Variants in ZNF675 observed in about 807,000 individuals in gnomAD.
ZNF675 encodes the protein TRAF6 inhibitory zinc finger.
A neutral mutation model predicts 56.1 loss-of-function variants in ZNF675; 36 were observed. That is an observed-to-expected ratio of 0.64 (90% CI 0.49 to 0.85). The LOEUF is 0.85. Ranked by LOEUF, ZNF675 falls within the 40% of genes least tolerant of loss-of-function variation. The pLI is 0.00. For missense variants in ZNF675, 663 were observed against 654.2 expected (o/e 1.01, Z -0.15); for synonymous variants, 200 against 218.9 (o/e 0.91, Z 0.76).
At chr19:23,656,235 A>T (rs1967981709) in intron 3 of ZNF675, 1 of 152,256 alleles carries the variant, frequency 6.6e-6, no homozygotes, top group Non-Finnish European at 1.5e-5. Context: ...TTCTTGGCTC[A>T]AGGGCCAAAA....
intron 1 of ZNF675, among the ~76,000 whole-genome samples, chr19:23,673,526 A>G (rs1459163433): frequency 2.6e-5 from 4 of 152,244 alleles, no homozygotes; most frequent in Non-Finnish European, 5.9e-5. Context: ...AGGCGACAGC[A>G]TGCACTTGGC....
chr19:23,676,629 G>GA (rs1368086853), intron 1 of ZNF675, among the ~76,000 whole-genome samples: 1 of 151,784 alleles, frequency 6.6e-6, no homozygotes, highest in African/African-American at 2.4e-5. Context: ...AATAGATGCA[G>GA]AAAAAGCTTT....
In ZNF675 at chr19:23,654,367, C is replaced by T. The variant is rs568517189; in HGVS notation, c.566G>A (p.Arg189Gln). ...RSFCMLSHLTRHERNYTKVNF... is the reference protein window; with the variant it reads ...RSFCMLSHLTQHERNYTKVNF... ...CACCTTGGTATAATTTCTTTCATGT[C>T]GAGTTAGGTGTGAAAGCATGCAAAA... The change falls in exon 4 of 4, where the codon CGA becomes CAA. Residue 189 changes from arginine (R) to glutamine (Q), a missense_variant. Coordinates refer to ENST00000359788, the MANE Select transcript of ZNF675 (RefSeq NM_138330.3). The T allele has an allele frequency of 1.6e-5, 25 of 1,611,764 alleles. No individual in the cohort carries two copies. Among genetic ancestry groups the T allele is most frequent in the East Asian group, 4.5e-5 (2 of 44,808 alleles).
Position 23,687,136 on chromosome 19 carries a change from G to C in ZNF675, c.-103C>G. On this transcript the variant is annotated 5_prime_UTR_variant, in exon 1 of 4. Transcript: ENST00000359788. ...GACCTCTAGGAGCAGAGGACACAGA[G>C]CAATGAAAGCGAGACCTGGAGCTCC... 6.9e-7 allele frequency: 1 copy of C among 1,447,334 alleles called. No individual in the cohort carries two copies. The highest frequency in any genetic ancestry group is 1.9e-5 in the Admixed American group (1 of 53,980). 89.7% of individuals were successfully genotyped at this position (1,447,334 alleles called of 1,614,324 possible).
intron 1 of ZNF675, among the ~76,000 whole-genome samples, chr19:23,666,603 T>G (rs1024960855): frequency 6.6e-6 from 1 of 152,198 alleles, no homozygotes; most frequent in Non-Finnish European, 1.5e-5. Context: ...TTTCTTGCTT[T>G]GCTGTTTCAT....
At position 23,654,370 on chromosome 19, in the gene ZNF675, G is replaced by C. The variant is rs774457065; in HGVS notation, c.563C>G (p.Thr188Ser). The C allele has an allele frequency of 1.9e-6, 3 of 1,612,212 alleles. No individual in the cohort carries two copies. Among genetic ancestry groups the C allele is most frequent in the Non-Finnish European group, 1.7e-6 (2 of 1,179,098 alleles). The change falls in exon 4 of 4, where the codon ACT becomes AGT. Residue 188 changes from threonine to serine, a missense_variant. Around this residue, in one of 3 missense-constraint regions of ZNF675, gnomAD observed 617 missense variants for 590.5 expected, o/e 1.04. Transcript: ENST00000359788. ...CTTGGTATAATTTCTTTCATGTCGAGTTAGGTGTGAAAGCATGCAAAATGA... is the reference window on the plus strand; with the variant it reads ...CTTGGTATAATTTCTTTCATGTCGACTTAGGTGTGAAAGCATGCAAAATGA... ...GRSFCMLSHLTRHERNYTKVN... is the reference protein window; with the variant it reads ...GRSFCMLSHLSRHERNYTKVN...
intron 1 of ZNF675, among the ~76,000 whole-genome samples, chr19:23,674,793 ACT>A (rs1291006074): frequency 1.3e-5 from 2 of 150,756 alleles, no homozygotes; most frequent in Non-Finnish European, 2.9e-5. Flanking sequence ...ACATGGTGAA[ACT>A]CTGTCTCTAC....
At chr19:23,669,506 G>A (rs1167554218) in intron 1 of ZNF675, among the ~76,000 whole-genome samples, 3 of 151,786 alleles carry the variant, frequency 2.0e-5, no homozygotes, top group Non-Finnish European at 4.4e-5. Flanking sequence ...GGGAGCTTAT[G>A]AAAGGAAATG....
chr19:23,666,007 C>T (rs960374001), intron 1 of ZNF675, among the ~76,000 whole-genome samples: 1 of 152,192 alleles, frequency 6.6e-6, no homozygotes, highest in Admixed American at 6.5e-5. Flanking sequence ...GCAGCAACAT[C>T]TAAATAAGTC....
intron 1 of ZNF675, among the ~76,000 whole-genome samples, chr19:23,678,696 AACCAAAGCAGCATGGT>A (rs1237656752): frequency 1.3e-5 from 2 of 149,118 alleles, no homozygotes; most frequent in African/African-American, 5.2e-5. Flanking sequence ...AAGCTACAGT[AACCAAAGCAGCATGGT>A]ACTGGAACAA....
Position 23,653,440 on chromosome 19 carries a change from T to C in ZNF675, c.1493A>G (p.His498Arg), listed in dbSNP as rs1423111469. 7 of 1,612,944 alleles carry C rather than the reference T, an allele frequency of 4.3e-6. No homozygotes were observed. In the Admixed American group the frequency reaches 1.0e-4, roughly 23 times the overall value. Residue 498 changes from histidine to arginine, a missense_variant, in exon 4 of 4, where the codon CAT (histidine) becomes CGT (arginine). His to Arg is a conservative substitution (Grantham distance 29). Coordinates refer to ENST00000359788, the MANE Select transcript of ZNF675 (RefSeq NM_138330.3). ...TTTCTCCCCAGTATGAATTCTTTTA[T>C]GTGTAGTAAGGGATGAGGAGTGTTT... ...AFKHSSSLTTHKRIHTGEKPY... is the reference protein window; with the variant it reads ...AFKHSSSLTTRKRIHTGEKPY...
intron 1 of ZNF675, among the ~76,000 whole-genome samples, chr19:23,685,581 T>C (rs1025691031): frequency 1.3e-5 from 2 of 152,174 alleles, no homozygotes; most frequent in Non-Finnish European, 2.9e-5. Context: ...TTTTTAAAAA[T>C]GAGGCGAAAA....
chr19:23,668,802 G>A (rs1226092472), intron 1 of ZNF675, among the ~76,000 whole-genome samples: 2 of 152,172 alleles, frequency 1.3e-5, no homozygotes, highest in South Asian at 2.1e-4. Flanking sequence ...GGGCGGGCAG[G>A]GCCGGCCGGG....
chr19:23,672,169 G>A (rs1968234264), intron 1 of ZNF675, among the ~76,000 whole-genome samples: 1 of 14,472 alleles, frequency 6.9e-5, no homozygotes. Context: ...GTTAGCTCTT[G>A]GGTTTAAAAA....
chr19:23,660,203 C>A (rs1368296459), intron 3 of ZNF675, among the ~76,000 whole-genome samples: 3 of 151,806 alleles, frequency 2.0e-5, no homozygotes, highest in Non-Finnish European at 4.4e-5. Context: ...ACCCCCTCTC[C>A]ACTACAAACC....
At position 23,656,711 on chromosome 19, in the gene ZNF675, T is replaced by C. The variant is rs143273603; in HGVS notation, c.227-2005A>G. Reference sequence around the variant, plus strand: ...AACATTTTAAGATAAACTTTGAGAATATTATATCACCTGAAGTAAGCCAGT... The same window carrying C: ...AACATTTTAAGATAAACTTTGAGAACATTATATCACCTGAAGTAAGCCAGT... On this transcript the variant is annotated intron_variant, in intron 3 of 3. Coordinates refer to ENST00000359788, the MANE Select transcript of ZNF675 (RefSeq NM_138330.3). 1.1e-4 allele frequency: 16 copies of C among 145,494 alleles called. No individual in the cohort carries two copies. In the East Asian group the frequency reaches 3.3e-3, roughly 30 times the overall value. The allele number at this position is 145,494 out of a possible 1,614,324, so 9.0% of individuals were successfully genotyped here.
At position 23,687,080 on chromosome 19, in the gene ZNF675, A is replaced by C; in HGVS notation, c.-47T>G. 1 of 1,611,644 alleles carries C rather than the reference A, an allele frequency of 6.2e-7. No individual in the cohort carries two copies. The highest frequency in any genetic ancestry group is 8.5e-7 in the Non-Finnish European group (1 of 1,178,462). On this transcript the variant is annotated 5_prime_UTR_variant, in exon 1 of 4. Transcript: ENST00000359788. The stretch of plus-strand genomic sequence containing the variant: ...TGGAGTCTTAGCTGTGGATCTCTCA[A>C]TTTCTGCAGGTCACAGGCCCACAGA...
At chr19:23,657,976 T>C (rs28520981) in intron 3 of ZNF675, among the ~76,000 whole-genome samples, 1 of 151,900 alleles carries the variant, frequency 6.6e-6, no homozygotes, top group Non-Finnish European at 1.5e-5. Context: ...GATGTCAAAC[T>C]GAAAAAACAC....
intron 3 of ZNF675, among the ~76,000 whole-genome samples, chr19:23,658,861 A>ATC (rs368111883): frequency 9.7e-3 from 66 of 6,810 alleles, no homozygotes; most frequent in Non-Finnish European, 0.017. Context: ...ATAGATATAG[A>ATC]AATAGATCTA....
Sources: allele counts gnomAD v4.1 joint callset (sites outside exome capture counted in the v4.1 genomes callset), GRCh38; gene constraint gnomAD v4.1.1; regional missense constraint gnomAD v4.1.1; transcripts MANE v1.5; gene names NCBI Gene and HGNC (gene_info 2026-07-23, HGNC 2026-07-21).